Variants in FLYWCH1 observed in about 807,000 individuals in gnomAD.
FLYWCH1 encodes FLYWCH-type zinc finger-containing protein 1.
Under a neutral mutation model 66.4 loss-of-function variants are expected in FLYWCH1, and 75 were observed. The ratio of observed to expected loss-of-function variants is 1.13; its 90% CI spans 0.94 to 1.37. FLYWCH1 has a LOEUF of 1.37. Among genes scored for constraint, FLYWCH1 ranks in the 40% most tolerant of loss-of-function variants. The pLI is 0.00. For missense variants in FLYWCH1, 1,334 were observed against 1,001.8 expected (o/e 1.33, Z -4.48); for synonymous variants, 595 against 429.9 (o/e 1.38, Z -4.75).
intron 2 of FLYWCH1, chr16:2,915,587 AATC>A (rs1171641810): frequency 6.6e-6 from 1 of 152,134 alleles, no homozygotes; most frequent in Non-Finnish European, 1.5e-5. Flanking sequence ...TTGGTCCTAA[AATC>A]ATTAGGTTCC....
chr16:2,930,606 C>G lies in FLYWCH1; in HGVS notation c.522C>G (p.His174Gln). 6.4e-7 allele frequency: 1 copy of G among 1,552,082 alleles called. No homozygotes were observed. Among genetic ancestry groups the G allele is most frequent in the Non-Finnish European group, 8.7e-7 (1 of 1,148,816 alleles). Residue 174 changes from histidine to glutamine, a missense_variant, in exon 4 of 10, where the codon CAC (histidine) becomes CAG (glutamine). Physicochemically the swap from His to Gln is conservative, Grantham distance 24 (BLOSUM62 0). Coordinates refer to ENST00000253928, the MANE Select transcript of FLYWCH1 (RefSeq NM_001308068.2). ...LRATVMRGHC[H>Q]APDEQGLEAR... ...CCACAGTGATGCGGGGCCACTGCCA[C>G]GCGCCCGATGAGCAAGGCCTGGAGG...
At chr16:2,919,634 A>G (rs1028698070) in intron 2 of FLYWCH1, among the ~76,000 whole-genome samples, 1 of 151,930 alleles carries the variant, frequency 6.6e-6, no homozygotes, top group Non-Finnish European at 1.5e-5. Context: ...GGCTCAAGCC[A>G]TTTTCCTGCC....
chr16:2,939,542 C>T (rs1025338291), intron 8 of FLYWCH1, among the ~76,000 whole-genome samples: 5 of 142,460 alleles, frequency 3.5e-5, no homozygotes, highest in Non-Finnish European at 8.0e-5. Flanking sequence ...GAAACCCTGT[C>T]TCTAAAAAAA....
In FLYWCH1 at chr16:2,936,963, CAG is replaced by C. The variant is rs1456615799; in HGVS notation, c.1514-155_1514-154del. On this transcript the variant is annotated intron_variant, in intron 6 of 9. Transcript: ENST00000253928. ...CGGACCCCAGCAGCTGGAGCCCCAG[CAG>C]AGTTGGGGGGATGGTGGCATCTGTG... 2.9e-5 allele frequency: 27 copies of C among 938,356 alleles called. No homozygotes were observed. The East Asian group carries it at 6.9e-4, about 24-fold the overall frequency. The allele number at this position is 938,356 out of a possible 1,614,324, so 58.1% of individuals were successfully genotyped here. A position where few individuals can be genotyped will look rare whatever the true frequency, so the allele number is the denominator to read the frequency against.
At chr16:2,948,429 G>C (rs960356364) in intron 9 of FLYWCH1, among the ~76,000 whole-genome samples, 1 of 151,968 alleles carries the variant, frequency 6.6e-6, no homozygotes, top group African/African-American at 2.4e-5. Flanking sequence ...TGAGCATGAT[G>C]GCATGCACCT....
chr16:2,913,937 T>G (rs960940080), intron 1 of FLYWCH1, among the ~76,000 whole-genome samples: 1 of 152,142 alleles, frequency 6.6e-6, no homozygotes, highest in African/African-American at 2.4e-5. Context: ...CTCGAACTCC[T>G]GGGCTCAAAC....
chr16:2,918,418 A>T (rs2070249631), intron 2 of FLYWCH1, among the ~76,000 whole-genome samples: 1 of 149,264 alleles, frequency 6.7e-6, no homozygotes, highest in African/African-American at 2.5e-5. Flanking sequence ...AAGTGCTGGG[A>T]TTACAGGCGT....
chr16:2,936,384 C>T (rs2071001102), intron 6 of FLYWCH1: 1 of 456,674 alleles, frequency 2.2e-6, no homozygotes, highest in Non-Finnish European at 4.4e-6. Flanking sequence ...AGCCTCCCTG[C>T]TCCACATGGC....
Position 2,933,311 on chromosome 16 carries a change from G to C in FLYWCH1, c.978G>C (p.Met326Ile). ...AITQGQRVTVMRGHCHQPDME... is the reference protein window; with the variant it reads ...AITQGQRVTVIRGHCHQPDME... ...CCCAGGGACAGCGGGTGACTGTGAT[G>C]CGTGGGCACTGCCACCAGCCCGATA... Residue 326 changes from methionine to isoleucine, a missense_variant, in exon 5 of 10, where the codon ATG (methionine) becomes ATC (isoleucine). Met to Ile is a conservative substitution (Grantham distance 10). Coordinates refer to ENST00000253928, the MANE Select transcript of FLYWCH1 (RefSeq NM_001308068.2). 6.2e-7 allele frequency: 1 copy of C among 1,611,092 alleles called. No homozygotes were observed. Among genetic ancestry groups the C allele is most frequent in the Non-Finnish European group, 8.5e-7 (1 of 1,179,088 alleles).
At position 2,948,685 on chromosome 16, in the gene FLYWCH1, T is replaced by G. The variant is rs780271994; in HGVS notation, c.2112-3T>G. The stretch of plus-strand genomic sequence containing the variant: ...CAATGAACATGTGTCTCTTTGTAAT[T>G]AGGGACATCAAAGACGTCAGACTGG... On this transcript the variant is annotated splice_polypyrimidine_tract_variant and splice_region_variant and intron_variant, in intron 9 of 9. Coordinates refer to ENST00000253928, the MANE Select transcript of FLYWCH1 (RefSeq NM_001308068.2). The G allele has an allele frequency of 2.0e-5, 33 of 1,613,362 alleles. No homozygotes were observed. The highest frequency in any genetic ancestry group is 1.0e-4 in the Admixed American group (6 of 59,970).
rs756175907 is a variant in FLYWCH1, at chr16:2,933,209, G to T, written c.876G>T (p.Arg292=). ...TACACGAGTCGTTCCTCTACAAGCG[G>T]GAGAAGGCTGTCGGGGACAAGGTGT... The part of the protein sequence containing the change: ...FLVHESFLYK[R]EKAVGDKVYW... The change falls in exon 5 of 10, where the codon CGG becomes CGT. Residue 292 remains arginine (R), a synonymous_variant. Transcript: ENST00000253928. 6.2e-7 allele frequency: 1 copy of T among 1,613,752 alleles called. No homozygotes were observed.
At chr16:2,946,749 T>C (rs1045523908) in intron 9 of FLYWCH1, among the ~76,000 whole-genome samples, 2 of 152,194 alleles carry the variant, frequency 1.3e-5, no homozygotes, top group Non-Finnish European at 2.9e-5. Flanking sequence ...CCGATAGGGA[T>C]AGATTCTCAA....
At chr16:2,942,141 G>C (rs1227374366) in intron 9 of FLYWCH1, among the ~76,000 whole-genome samples, 1 of 150,486 alleles carries the variant, frequency 6.6e-6, no homozygotes. Context: ...TGAAAAGCAA[G>C]AATACTGAAA....
rs900755183 is a variant in FLYWCH1, at chr16:2,921,009, T to G, written c.-74+6720T>G. On this transcript the variant is annotated intron_variant, in intron 2 of 9. Transcript: ENST00000253928. ...GGCGCCCGCCACCACGCCCAGTTAATTTTTTGTGTTTTTAGTAGAGACGGG... is the reference window on the plus strand; with the variant it reads ...GGCGCCCGCCACCACGCCCAGTTAAGTTTTTGTGTTTTTAGTAGAGACGGG... 1.3e-4 allele frequency among the ~76,000 whole-genome samples: 20 copies of G among 151,888 alleles called. 1 individual carries two copies. In the South Asian group the frequency reaches 3.7e-3, roughly 28 times the overall value.
intron 2 of FLYWCH1, chr16:2,922,941 G>C (rs890013583): frequency 1.5e-5 from 8 of 523,872 alleles, no homozygotes; most frequent in African/African-American, 1.3e-4. Flanking sequence ...GCGCTCTTCC[G>C]AGGATATTTG....
chr16:2,937,154 G>A lies in FLYWCH1; in HGVS notation c.1547G>A (p.Gly516Asp), dbSNP rs1258859569. 5 of 1,232,298 alleles carry A rather than the reference G, an allele frequency of 4.1e-6. No homozygotes were observed. In the South Asian group the frequency reaches 4.9e-5, roughly 12 times the overall value. The allele number at this position is 1,232,298 out of a possible 1,614,324, so 76.3% of individuals were successfully genotyped here. A position where few individuals can be genotyped will look rare whatever the true frequency, so the allele number is the denominator to read the frequency against. ...GAGTTCCTGAAGACGCCCCTGGGGG[G>A]CAGCTTCCTGGTGTACGAGTCCTTC... ...GPEFLKTPLG[G>D]SFLVYESFLY... is the part of the protein sequence containing the mutation. The change falls in exon 7 of 10, where the codon GGC becomes GAC. Residue 516 changes from glycine (G) to aspartate (D), a missense_variant. By Grantham distance (94) the Gly-to-Asp change is moderately conservative (BLOSUM62 -1). Coordinates refer to ENST00000253928, the MANE Select transcript of FLYWCH1 (RefSeq NM_001308068.2).
At position 2,933,865 on chromosome 16, in the gene FLYWCH1, C is replaced by G. The variant is rs1326609940; in HGVS notation, c.1399C>G (p.Gln467Glu). ...GGGCTGCCGCAGCCGCGCCATCACC[C>G]AGGGCCGACGGGTGACTGTCATGCG... Reference protein sequence around the residue: ...RMGCRSRAITQGRRVTVMRGH... With the variant: ...RMGCRSRAITEGRRVTVMRGH... Residue 467 changes from glutamine to glutamate, a missense_variant, in exon 6 of 10, where the codon CAG becomes GAG. Physicochemically the swap from Gln to Glu is conservative, Grantham distance 29 (BLOSUM62 2). Coordinates refer to ENST00000253928, the MANE Select transcript of FLYWCH1 (RefSeq NM_001308068.2). The G allele has an allele frequency of 1.1e-5, 18 of 1,602,742 alleles. No homozygotes were observed. The highest frequency in any genetic ancestry group is 1.5e-5 in the Non-Finnish European group (18 of 1,175,182).
rs1422412535 is a variant in FLYWCH1, at chr16:2,926,548, C to A, written c.-73-3065C>A. Among the ~76,000 whole-genome samples, 11 of 152,304 alleles carry A rather than the reference C, an allele frequency of 7.2e-5. No homozygotes were observed. In the South Asian group the frequency reaches 2.3e-3, roughly 32 times the overall value. On this transcript the variant is annotated intron_variant, in intron 2 of 9. Transcript: ENST00000253928. Reference sequence around the variant, plus strand: ...TTAAACAAGTAAGGGTTATTTGCCTCAGGGCCTGGGAAAAAAATTCATGGA... The same window carrying A: ...TTAAACAAGTAAGGGTTATTTGCCTAAGGGCCTGGGAAAAAAATTCATGGA...
At chr16:2,943,090 C>G (rs1050237268) in intron 9 of FLYWCH1, among the ~76,000 whole-genome samples, 30 of 152,160 alleles carry the variant, frequency 2.0e-4, no homozygotes, top group African/African-American at 6.5e-4. Context: ...CTATACAAAT[C>G]ATGTGATATT....
Sources: gnomAD v4.1 joint callset for allele counts (sites outside exome capture counted in the v4.1 genomes callset) on GRCh38, gnomAD v4.1.1 for gene constraint, MANE v1.5 for transcripts, NCBI Gene and HGNC (gene_info 2026-07-23, HGNC 2026-07-21) for gene names.